PRLR: variants seen among roughly 807,000 people sequenced by gnomAD.
PRLR encodes the protein prolactin receptor.
A neutral mutation model predicts 40.2 loss-of-function variants in PRLR; 13 were observed. That is an observed-to-expected ratio of 0.32 (90% CI 0.21 to 0.51). The LOEUF (loss-of-function observed/expected upper bound fraction) is 0.51. Ranked by LOEUF, PRLR falls within the 20% of genes least tolerant of loss-of-function variation. PRLR has a pLI of 0.97. For synonymous variants in PRLR, 269 were observed against 278.7 expected (o/e 0.97, Z 0.35); for missense variants, 656 against 747.3 (o/e 0.88, Z 1.42).
chr5:35,218,208 A>G (rs911957001), intron 1 of PRLR, among the ~76,000 whole-genome samples: 2 of 152,146 alleles, frequency 1.3e-5, no homozygotes, highest in Non-Finnish European at 2.9e-5. Context: ...TTAAATTTGG[A>G]AGTCAACCGT....
In PRLR at chr5:35,197,473, G is replaced by T. The variant is rs191554388; in HGVS notation, c.-106+32795C>A. 7.9e-5 allele frequency among the ~76,000 whole-genome samples: 12 copies of T among 152,330 alleles called. No homozygotes were observed. The East Asian group carries it at 2.3e-3, about 29-fold the overall frequency. ...TCAGATCTGGGAGTGACCCCCGATT[G>T]GTGCTTAGGTGAATGACTGAAGCTC... On this transcript the variant is annotated intron_variant, in intron 1 of 9. Transcript: ENST00000618457.
intron 1 of PRLR, among the ~76,000 whole-genome samples, chr5:35,147,018 T>C (rs1774201813): frequency 6.6e-6 from 1 of 152,138 alleles, no homozygotes; most frequent in African/African-American, 2.4e-5. Context: ...TGGGAAATGA[T>C]GTTGAGGAGG....
intron 2 of PRLR, among the ~76,000 whole-genome samples, chr5:35,112,835 T>C (rs1323879720): frequency 6.6e-6 from 1 of 152,226 alleles, no homozygotes. Flanking sequence ...CATTCTTTTT[T>C]TCCCCATTTT....
At chr5:35,187,521 A>G (rs962171377) in intron 1 of PRLR, among the ~76,000 whole-genome samples, 10 of 152,172 alleles carry the variant, frequency 6.6e-5, no homozygotes, top group East Asian at 1.9e-4. Context: ...TCAAGACGCC[A>G]GAGTTCTAGG....
downstream of PRLR, among the ~76,000 whole-genome samples, chr5:35,054,502 T>C (rs1049132363): frequency 1.7e-4 from 26 of 152,172 alleles, no homozygotes; most frequent in African/African-American, 6.3e-4. Flanking sequence ...TAAATGCTGA[T>C]AAATAGGGAG....
At chr5:35,078,669 A>T (rs1446869365) in intron 5 of PRLR, among the ~76,000 whole-genome samples, 1 of 152,190 alleles carries the variant, frequency 6.6e-6, no homozygotes, top group East Asian at 1.9e-4. Context: ...AACTATTCCA[A>T]TCAATAGAAA....
At chr5:35,111,951 T>A (rs1273999030) in intron 2 of PRLR, among the ~76,000 whole-genome samples, 2 of 152,160 alleles carry the variant, frequency 1.3e-5, no homozygotes, top group African/African-American at 4.8e-5. Context: ...CAACAAAAAA[T>A]TTTAACACCA....
intron 1 of PRLR, among the ~76,000 whole-genome samples, chr5:35,167,605 A>G (rs1447307058): frequency 6.6e-6 from 1 of 152,086 alleles, no homozygotes; most frequent in East Asian, 1.9e-4. Flanking sequence ...TTTTAAACTG[A>G]CTATTTAAAA....
At chr5:35,051,590 A>G (rs1768500222), downstream of PRLR, among the ~76,000 whole-genome samples, 1 of 152,230 alleles carries the variant, frequency 6.6e-6, no homozygotes, top group South Asian at 2.1e-4. Flanking sequence ...TCTCAGTTAC[A>G]GTGAATTATC....
intron 1 of PRLR, among the ~76,000 whole-genome samples, chr5:35,134,412 G>C (rs1007634216): frequency 6.6e-6 from 1 of 152,084 alleles, no homozygotes; most frequent in Admixed American, 6.6e-5. Context: ...GAGTGGGGGA[G>C]GGGGTTGGTG....
chr5:35,094,704 G>A lies in PRLR; in HGVS notation c.-43-5041C>T, dbSNP rs149206970. On this transcript the variant is annotated intron_variant, in intron 2 of 9. Transcript: ENST00000618457. ...AGGCATTGTGTTAAGGGCTTCCTTC[G>A]GGGTCCTTGGCCCACTGGGTTTCCT... Among the ~76,000 whole-genome samples the A allele has an allele frequency of 1.8e-3, 277 of 152,198 alleles. 2 individuals are homozygous for A. The highest frequency in any genetic ancestry group is 6.2e-3 in the African/African-American group (256 of 41,504).
At chr5:35,164,852 A>G (rs577066388) in intron 1 of PRLR, among the ~76,000 whole-genome samples, 1 of 152,260 alleles carries the variant, frequency 6.6e-6, no homozygotes, top group South Asian at 2.1e-4. Flanking sequence ...GACTTGAGAT[A>G]TATTTCAGGG....
intron 1 of PRLR, among the ~76,000 whole-genome samples, chr5:35,142,948 C>A (rs1352763697): frequency 6.6e-6 from 1 of 152,220 alleles, no homozygotes; most frequent in Non-Finnish European, 1.5e-5. Context: ...TGGGCATTAC[C>A]TGTAATGCAT....
chr5:35,167,034 C>G (rs148642229), intron 1 of PRLR, among the ~76,000 whole-genome samples: 1 of 152,052 alleles, frequency 6.6e-6, no homozygotes, highest in African/African-American at 2.4e-5. Context: ...CAATTCTATA[C>G]AAACTTTTTC....
At chr5:35,072,045 G>A (rs1387107927) in intron 6 of PRLR, among the ~76,000 whole-genome samples, 3 of 151,772 alleles carry the variant, frequency 2.0e-5, no homozygotes, top group Non-Finnish European at 4.4e-5. Context: ...ACAGGTGCCC[G>A]CCACCACACC....
intron 1 of PRLR, among the ~76,000 whole-genome samples, chr5:35,182,866 G>A (rs543259287): frequency 6.6e-6 from 1 of 152,272 alleles, no homozygotes; most frequent in African/African-American, 2.4e-5. Context: ...AAATTATACT[G>A]CAACCTTGTT....
At chr5:35,078,998 A>T (rs1770314959) in intron 5 of PRLR, among the ~76,000 whole-genome samples, 2 of 152,236 alleles carry the variant, frequency 1.3e-5, no homozygotes, top group South Asian at 4.1e-4. Context: ...GCCTTTGACA[A>T]AATTCAACAG....
chr5:35,187,740 G>A (rs1347687304), intron 1 of PRLR, among the ~76,000 whole-genome samples: 1 of 152,170 alleles, frequency 6.6e-6, no homozygotes, highest in Non-Finnish European at 1.5e-5. Context: ...GCATAGCTTT[G>A]GGGCAGCAGG....
chr5:35,075,048 T>C (rs901404654), intron 5 of PRLR, among the ~76,000 whole-genome samples: 1 of 152,168 alleles, frequency 6.6e-6, no homozygotes, highest in African/African-American at 2.4e-5. Flanking sequence ...AAACCAACTT[T>C]TAAAAATTTG....
Sources: allele counts gnomAD v4.1 joint callset (sites outside exome capture counted in the v4.1 genomes callset), GRCh38; gene constraint gnomAD v4.1.1; transcripts MANE v1.5; gene names NCBI Gene and HGNC (gene_info 2026-07-23, HGNC 2026-07-21).